PDZD2: variants seen among roughly 807,000 people sequenced by gnomAD.
The protein encoded by PDZD2 is PDZ domain containing 2, also known as PDZ domain-containing protein 2.
PDZD2 carries 90 observed loss-of-function variants against 220.7 expected under a neutral mutation model. The ratio of observed to expected loss-of-function variants is 0.41; its 90% CI spans 0.34 to 0.49. The LOEUF is 0.49. Among genes scored for constraint, PDZD2 ranks in the 20% least tolerant of loss-of-function variants. The pLI, the probability that PDZD2 is intolerant of heterozygous loss-of-function variation, is 0.28. For missense variants in PDZD2, 3,174 were observed against 3,608.5 expected (o/e 0.88, Z 3.08); for synonymous variants, 1,375 against 1,450.5 (o/e 0.95, Z 1.18).
intron 6 of PDZD2, among the ~76,000 whole-genome samples, chr5:32,023,319 C>T (rs1386456010): frequency 6.6e-6 from 1 of 152,142 alleles, no homozygotes; most frequent in Non-Finnish European, 1.5e-5. Context: ...CACCGTCTCC[C>T]CTCCCAGACA....
At chr5:31,778,729 A>G (rs1752871659) in intron 1 of PDZD2, among the ~76,000 whole-genome samples, 1 of 152,146 alleles carries the variant, frequency 6.6e-6, no homozygotes, top group Non-Finnish European at 1.5e-5. Flanking sequence ...TGAGACCAAG[A>G]ACCCACCAAT....
chr5:31,891,168 G>C (rs1741003124), intron 2 of PDZD2, among the ~76,000 whole-genome samples: 1 of 122,096 alleles, frequency 8.2e-6, no homozygotes, highest in South Asian at 2.6e-4. Flanking sequence ...ACGGAGTCTC[G>C]CTCTGTCGCC....
chr5:31,707,828 A>G (rs532713296), intron 1 of PDZD2, among the ~76,000 whole-genome samples: 3 of 151,934 alleles, frequency 2.0e-5, no homozygotes, highest in African/African-American at 7.3e-5. Context: ...GAGTTTCCCT[A>G]TGTTGCCCAG....
At chr5:31,669,247 T>A (rs1463882973) in intron 1 of PDZD2, among the ~76,000 whole-genome samples, 1 of 151,768 alleles carries the variant, frequency 6.6e-6, no homozygotes, top group Non-Finnish European at 1.5e-5. Flanking sequence ...AAAAAAATTT[T>A]AAAAATTAGG....
rs192865522 is a variant in PDZD2, at chr5:31,864,328, G to C, written c.476+64604G>C. Among the ~76,000 whole-genome samples, 88 of 152,256 alleles carry C rather than the reference G, an allele frequency of 5.8e-4. 1 individual carries two copies. Among genetic ancestry groups the C allele is most frequent in the Non-Finnish European group, 1.1e-3 (72 of 68,028 alleles). On this transcript the variant is annotated intron_variant, in intron 2 of 24. Transcript: ENST00000438447. ...AGCCCCAGGGTGCTGCACTCTGCCT[G>C]TCTCCGGTCTGCACCTCTGTAAACA...
At chr5:31,679,694 G>C (rs1746577467) in intron 1 of PDZD2, among the ~76,000 whole-genome samples, 1 of 152,090 alleles carries the variant, frequency 6.6e-6, no homozygotes, top group South Asian at 2.1e-4. Context: ...TTTTTTAGTA[G>C]AGACAGGGTT....
chr5:31,857,299 A>G (rs1211017553), intron 2 of PDZD2, among the ~76,000 whole-genome samples: 1 of 152,160 alleles, frequency 6.6e-6, no homozygotes. Context: ...TTGCACATCC[A>G]TCATTGTGGG....
chr5:31,833,790 G>A (rs1355775689), intron 2 of PDZD2, among the ~76,000 whole-genome samples: 1 of 152,226 alleles, frequency 6.6e-6, no homozygotes, highest in African/African-American at 2.4e-5. Flanking sequence ...GAGACAATCT[G>A]GTGACAACCT....
chr5:32,027,033 A>G (rs62360054), intron 6 of PDZD2, among the ~76,000 whole-genome samples: 81,651 of 151,940 alleles, frequency 0.54, 22,313 homozygotes, highest in South Asian at 0.61. Flanking sequence ...CTCCTGAGTA[A>G]CTGGGATTAC....
intron 2 of PDZD2, among the ~76,000 whole-genome samples, chr5:31,844,939 G>C: frequency 6.6e-6 from 1 of 152,092 alleles, no homozygotes. Flanking sequence ...TCTGTGAGTG[G>C]GAACAAGTTT....
chr5:31,828,787 C>A (rs1233978617), intron 2 of PDZD2, among the ~76,000 whole-genome samples: 1 of 152,232 alleles, frequency 6.6e-6, no homozygotes, highest in East Asian at 1.9e-4. Flanking sequence ...AAGCATGAGC[C>A]ACCATGCCCA....
chr5:32,027,459 G>C (rs60606802), intron 6 of PDZD2, among the ~76,000 whole-genome samples: 81,238 of 151,964 alleles, frequency 0.53, 22,121 homozygotes, highest in South Asian at 0.61. Context: ...GAGGAAGCTG[G>C]AAATGGGCTT....
intron 1 of PDZD2, among the ~76,000 whole-genome samples, chr5:31,749,465 C>T (rs1561428978): frequency 1.3e-5 from 2 of 150,798 alleles, no homozygotes; most frequent in African/African-American, 2.4e-5. Flanking sequence ...GCTCTTTCAC[C>T]CAGGCTGGAG....
chr5:32,032,714 G>T (rs1256260847), intron 6 of PDZD2, among the ~76,000 whole-genome samples: 1 of 152,186 alleles, frequency 6.6e-6, no homozygotes, highest in African/African-American at 2.4e-5. Context: ...GGAGAAATCT[G>T]CCACCTTTAG....
At chr5:31,875,604 A>C (rs900867484) in intron 2 of PDZD2, among the ~76,000 whole-genome samples, 1 of 147,666 alleles carries the variant, frequency 6.8e-6, no homozygotes, top group African/African-American at 2.5e-5. Flanking sequence ...AAAAATATAT[A>C]TATATATTTT....
At chr5:31,984,956 A>G (rs549077189) in intron 3 of PDZD2, among the ~76,000 whole-genome samples, 34 of 152,306 alleles carry the variant, frequency 2.2e-4, no homozygotes, top group African/African-American at 7.7e-4. Flanking sequence ...CCCCTCTCTC[A>G]AGAGATTATG....
intron 2 of PDZD2, among the ~76,000 whole-genome samples, chr5:31,860,461 T>C (rs77869256): frequency 0.023 from 3,435 of 152,292 alleles, 53 homozygotes; most frequent in South Asian, 0.046. Context: ...TCATTGTTTC[T>C]CCTGTTCTCT....
chr5:31,895,322 A>G (rs1218983928), intron 2 of PDZD2, among the ~76,000 whole-genome samples: 1 of 152,182 alleles, frequency 6.6e-6, no homozygotes, highest in Non-Finnish European at 1.5e-5. Context: ...GTTGGAGGGT[A>G]GAGCTCTCAT....
intron 2 of PDZD2, among the ~76,000 whole-genome samples, chr5:31,927,665 A>G (rs574499516): frequency 7.9e-5 from 12 of 152,192 alleles, no homozygotes; most frequent in African/African-American, 2.9e-4. Flanking sequence ...GATTACAAGC[A>G]TGATCCACCG....
Sources: gnomAD v4.1 joint callset for allele counts (sites outside exome capture counted in the v4.1 genomes callset) on GRCh38, gnomAD v4.1.1 for gene constraint, MANE v1.5 for transcripts, NCBI Gene and HGNC (gene_info 2026-07-23, HGNC 2026-07-21) for gene names.